Variants in NOL4 observed in about 807,000 individuals in gnomAD.
The protein encoded by NOL4 is nucleolar protein 4, also known as cancer/testis antigen 125.
A neutral mutation model predicts 75.9 loss-of-function variants in NOL4; 17 were observed. That is an observed-to-expected ratio of 0.22 (90% CI 0.15 to 0.34). The LOEUF is 0.34. NOL4 is among the 10% of genes least tolerant of loss of function. NOL4 has a pLI of 1.00. For synonymous variants in NOL4, 292 were observed against 289.9 expected, an observed-to-expected ratio of 1.01 and a Z score of -0.07; for missense variants, 614 against 793.5, an observed-to-expected ratio of 0.77 and a Z score of 2.72.
chr18:34,139,752 T>C (rs1600704828), intron 1 of NOL4, among the ~76,000 whole-genome samples: 1 of 152,198 alleles, frequency 6.6e-6, no homozygotes, highest in Non-Finnish European at 1.5e-5. Context: ...GCTTCTCTAG[T>C]TCTTTTAATT....
intron 5 of NOL4, among the ~76,000 whole-genome samples, chr18:34,075,653 A>T (rs1384290087): frequency 6.6e-6 from 1 of 152,182 alleles, no homozygotes; most frequent in Non-Finnish European, 1.5e-5. Context: ...TGTAAATCTT[A>T]CTGCAAGTCA....
intron 5 of NOL4, among the ~76,000 whole-genome samples, chr18:34,039,343 CT>C (rs202108842): frequency 1.9e-4 from 28 of 151,118 alleles, no homozygotes; most frequent in Non-Finnish European, 3.7e-4. Context: ...GTCTGGGTGG[CT>C]TTTTTTTTCC....
In NOL4 at chr18:34,049,072, GCGCACACACACACA is replaced by G. The variant is rs1196571524; in HGVS notation, c.773-29485_773-29472del. On this transcript the variant is annotated intron_variant, in intron 5 of 10. Coordinates refer to ENST00000261592, the MANE Select transcript of NOL4 (RefSeq NM_003787.5). The stretch of plus-strand genomic sequence containing the variant: ...CAACTTGAAGGTTAGATACAGGCGC[GCGCACACACACACA>G]CACACACACACACACACACACACAC... Among the ~76,000 whole-genome samples the G allele has an allele frequency of 2.8e-4, 36 of 126,350 alleles. 1 individual carries two copies. Among genetic ancestry groups the G allele is most frequent in the African/African-American group, 5.8e-4 (19 of 32,542 alleles). The allele number at this position is 126,350 out of a possible 152,430, so 82.9% of individuals were successfully genotyped here.
At chr18:34,111,158 G>A (rs773105362) in intron 2 of NOL4, among the ~76,000 whole-genome samples, 14 of 152,006 alleles carry the variant, frequency 9.2e-5, no homozygotes, top group African/African-American at 3.1e-4. Context: ...ACTTAAAATG[G>A]ATTAAAGACT....
intron 5 of NOL4, among the ~76,000 whole-genome samples, chr18:34,021,765 C>T (rs544619947): frequency 5.9e-5 from 9 of 151,978 alleles, no homozygotes; most frequent in African/African-American, 2.2e-4. Flanking sequence ...AGAACTGGTA[C>T]GACTAGTAGT....
chr18:34,196,908 A>T (rs754129718), intron 1 of NOL4, among the ~76,000 whole-genome samples: 5 of 152,080 alleles, frequency 3.3e-5, no homozygotes, highest in Non-Finnish European at 7.4e-5. Flanking sequence ...TAAATTAATG[A>T]GCAGATACTT....
chr18:34,147,072 T>A (rs2081431135), intron 1 of NOL4, among the ~76,000 whole-genome samples: 2 of 152,328 alleles, frequency 1.3e-5, no homozygotes, highest in South Asian at 4.1e-4. Context: ...TGATTTTGTA[T>A]CCTGAGACTT....
At chr18:34,137,779 T>TATATACAC (rs1354745785) in intron 1 of NOL4, among the ~76,000 whole-genome samples, 14 of 147,154 alleles carry the variant, frequency 9.5e-5, no homozygotes, top group African/African-American at 3.3e-4. Flanking sequence ...ATATACGAAA[T>TATATACAC]ACACACACAC....
intron 1 of NOL4, among the ~76,000 whole-genome samples, chr18:34,203,717 T>TCTCA (rs1261546835): frequency 1.3e-3 from 91 of 72,298 alleles, no homozygotes; most frequent in South Asian, 2.3e-3. Context: ...TCTCTCTCTC[T>TCTCA]CACACACACA....
intron 10 of NOL4, among the ~76,000 whole-genome samples, chr18:33,879,477 GC>G (rs2144621272): frequency 6.6e-6 from 1 of 152,078 alleles, no homozygotes; most frequent in Non-Finnish European, 1.5e-5. Context: ...TTCAAGACCA[GC>G]CTGGGCAACA....
At chr18:34,091,021 T>C (rs1029745171) in intron 5 of NOL4, among the ~76,000 whole-genome samples, 1 of 151,922 alleles carries the variant, frequency 6.6e-6, no homozygotes, top group African/African-American at 2.4e-5. Context: ...GATGTGTCAG[T>C]CTCATCTGAT....
intron 1 of NOL4, among the ~76,000 whole-genome samples, chr18:34,192,147 A>G (rs1291924571): frequency 6.6e-6 from 1 of 152,176 alleles, no homozygotes; most frequent in Non-Finnish European, 1.5e-5. Context: ...AAAATCAAAG[A>G]GCTGTCACAA....
chr18:33,981,545 A>T (rs539874411), intron 6 of NOL4, among the ~76,000 whole-genome samples: 20 of 152,148 alleles, frequency 1.3e-4, no homozygotes, highest in Admixed American at 3.9e-4. Flanking sequence ...AGTGATGATT[A>T]AAAAAGCCCC....
intron 6 of NOL4, among the ~76,000 whole-genome samples, chr18:33,975,008 C>T (rs555800545): frequency 1.3e-5 from 2 of 152,300 alleles, no homozygotes; most frequent in African/African-American, 4.8e-5. Flanking sequence ...GAAATCCTAT[C>T]ACACACTGCA....
chr18:33,907,429 AG>A (rs1235327149), intron 9 of NOL4, among the ~76,000 whole-genome samples: 1 of 152,142 alleles, frequency 6.6e-6, no homozygotes, highest in Non-Finnish European at 1.5e-5. Context: ...AAATCTAAAA[AG>A]ATCATCAACA....
At chr18:34,050,467 A>G (rs1355782738) in intron 5 of NOL4, among the ~76,000 whole-genome samples, 2 of 152,068 alleles carry the variant, frequency 1.3e-5, no homozygotes, top group Non-Finnish European at 2.9e-5. Flanking sequence ...TTCCTTTAGG[A>G]CTGACTACCT....
intron 9 of NOL4, 83 bp from the exon 10 acceptor site, chr18:33,883,507 A>G (rs1427098694): frequency 2.0e-6 from 2 of 1,020,956 alleles, no homozygotes; most frequent in Non-Finnish European, 2.7e-6. Context: ...TGTTATCTAA[A>G]TACCTGCATT....
chr18:34,068,163 A>G (rs1173542633), intron 5 of NOL4, among the ~76,000 whole-genome samples: 1 of 152,154 alleles, frequency 6.6e-6, no homozygotes, highest in Non-Finnish European at 1.5e-5. Flanking sequence ...AATAATGGAG[A>G]AGCAGACCTG....
At chr18:33,993,789 G>C (rs2073087334) in intron 6 of NOL4, among the ~76,000 whole-genome samples, 1 of 151,754 alleles carries the variant, frequency 6.6e-6, no homozygotes, top group Non-Finnish European at 1.5e-5. Context: ...GGAAATTCTG[G>C]AGTTGAAAAG....
Sources: gnomAD v4.1 joint callset for allele counts (sites outside exome capture counted in the v4.1 genomes callset) on GRCh38, gnomAD v4.1.1 for gene constraint, MANE v1.5 for transcripts, NCBI Gene and HGNC (gene_info 2026-07-23, HGNC 2026-07-21) for gene names.